IL1RAPL1: variants seen among roughly 807,000 people sequenced by gnomAD.
The protein encoded by IL1RAPL1 is interleukin-1 receptor accessory protein-like 1.
IL1RAPL1 carries 3 observed loss-of-function variants against 48.4 expected under a neutral mutation model. The observed-to-expected ratio is 0.06, with a 90% CI of 0.03 to 0.16. The LOEUF (loss-of-function observed/expected upper bound fraction) is 0.16, where lower values mean the gene tolerates loss of function less well. Ranked by LOEUF, IL1RAPL1 falls within the 10% of genes least tolerant of loss-of-function variation. The probability of loss-of-function intolerance (pLI) is 1.00; values close to 1 mark genes in which losing one functional copy is unlikely to be tolerated. For synonymous variants in IL1RAPL1, 185 were observed against 187.7 expected, an observed-to-expected ratio of 0.99 and a Z score of 0.12; for missense variants, 349 against 530.6, an observed-to-expected ratio of 0.66 and a Z score of 3.36.
chrX:28,682,391 C>A (rs376420187), intron 1 of IL1RAPL1, among the ~76,000 whole-genome samples: 1 of 111,074 alleles, frequency 9.0e-6, no homozygotes, highest in Admixed American at 9.6e-5. Flanking sequence ...TCACTGCAAC[C>A]TCCACCTCCC....
At chrX:28,676,084 G>A (rs1934993655) in intron 1 of IL1RAPL1, among the ~76,000 whole-genome samples, 1 of 111,708 alleles carries the variant, frequency 9.0e-6, no homozygotes, top group African/African-American at 3.3e-5. Flanking sequence ...GATTGTTAAT[G>A]AAAACGTTTG....
At chrX:29,526,550 A>T (rs1249402952) in intron 5 of IL1RAPL1, among the ~76,000 whole-genome samples, 1 of 112,133 alleles carries the variant, frequency 8.9e-6, no homozygotes. Context: ...CAATGAAATA[A>T]TTCAACAAGC....
intron 5 of IL1RAPL1, among the ~76,000 whole-genome samples, chrX:29,502,004 T>A (rs944977802): frequency 2.7e-5 from 3 of 111,091 alleles, no homozygotes; most frequent in African/African-American, 9.8e-5. Context: ...ATTTATTTCG[T>A]CAGGGTTTTA....
At chrX:29,723,899 C>G (rs1411164773) in intron 6 of IL1RAPL1, among the ~76,000 whole-genome samples, 1 of 111,089 alleles carries the variant, frequency 9.0e-6, no homozygotes, top group African/African-American at 3.3e-5. Context: ...ACTGCAACCT[C>G]CAGCTCCTGG....
intron 3 of IL1RAPL1, among the ~76,000 whole-genome samples, chrX:29,333,355 G>A (rs1337396383): frequency 2.8e-5 from 3 of 107,309 alleles, no homozygotes; most frequent in East Asian, 3.0e-4. Context: ...AGGGGCGGCC[G>A]GGCAGAGGCG....
chrX:28,684,121 C>T (rs1156454761), intron 1 of IL1RAPL1, among the ~76,000 whole-genome samples: 2 of 112,140 alleles, frequency 1.8e-5, no homozygotes, highest in Non-Finnish European at 3.8e-5. Context: ...TTATATACCC[C>T]CTCTTCTGAG....
chrX:28,917,745 G>A (rs976461440), intron 2 of IL1RAPL1, among the ~76,000 whole-genome samples: 1 of 112,159 alleles, frequency 8.9e-6, no homozygotes, highest in African/African-American at 3.2e-5. Flanking sequence ...GGCTTACTGT[G>A]TTTTTTAAAA....
At chrX:29,823,378 G>A (rs761189358) in intron 6 of IL1RAPL1, among the ~76,000 whole-genome samples, 140 of 112,007 alleles carry the variant, frequency 1.2e-3, no homozygotes, top group African/African-American at 4.4e-3. Flanking sequence ...TCTCAAGTGT[G>A]AAATAATCAG....
At chrX:28,836,220 G>A (rs1921202822) in intron 2 of IL1RAPL1, among the ~76,000 whole-genome samples, 1 of 108,985 alleles carries the variant, frequency 9.2e-6, no homozygotes, top group South Asian at 3.8e-4. Flanking sequence ...TCAACTGAAT[G>A]TAGCATTCAT....
At chrX:28,830,173 C>G (rs1320216327) in intron 2 of IL1RAPL1, among the ~76,000 whole-genome samples, 1 of 111,595 alleles carries the variant, frequency 9.0e-6, no homozygotes, top group Non-Finnish European at 1.9e-5. Context: ...GGAAGTTTAT[C>G]ATCATCTTTG....
At chrX:29,688,814 G>A (rs1432370410) in intron 6 of IL1RAPL1, among the ~76,000 whole-genome samples, 2 of 83,078 alleles carry the variant, frequency 2.4e-5, no homozygotes, top group Non-Finnish European at 4.8e-5. Flanking sequence ...GTGCTTTGTG[G>A]TCTTTTTTTT....
At chrX:29,768,053 A>G (rs980249075) in intron 6 of IL1RAPL1, among the ~76,000 whole-genome samples, 1 of 111,568 alleles carries the variant, frequency 9.0e-6, no homozygotes, top group African/African-American at 3.3e-5. Flanking sequence ...AAAAAATTAT[A>G]TTTTTCTACT....
At chrX:29,322,143 A>C (rs1023151375) in intron 3 of IL1RAPL1, among the ~76,000 whole-genome samples, 2 of 111,124 alleles carry the variant, frequency 1.8e-5, no homozygotes, top group African/African-American at 6.5e-5. Flanking sequence ...GTCTTTCACA[A>C]GGATACATAT....
intron 9 of IL1RAPL1, among the ~76,000 whole-genome samples, chrX:29,945,545 A>C (rs1174674328): frequency 1.8e-5 from 2 of 112,722 alleles, no homozygotes; most frequent in Non-Finnish European, 3.8e-5. Flanking sequence ...CTATAGCAAT[A>C]TGATAATAAT....
intron 2 of IL1RAPL1, among the ~76,000 whole-genome samples, chrX:28,964,282 A>G (rs1336996778): frequency 9.0e-6 from 1 of 111,710 alleles, no homozygotes; most frequent in Non-Finnish European, 1.9e-5. Flanking sequence ...ATCTACGCAT[A>G]TACAGACATA....
intron 5 of IL1RAPL1, among the ~76,000 whole-genome samples, chrX:29,608,216 G>A (rs958780376): frequency 9.0e-6 from 1 of 111,588 alleles, no homozygotes; most frequent in Non-Finnish European, 1.9e-5. Flanking sequence ...CTTTTTAATA[G>A]CATTACAGCT....
At chrX:29,435,913 A>G (rs111545198) in intron 5 of IL1RAPL1, among the ~76,000 whole-genome samples, 10 of 110,467 alleles carry the variant, frequency 9.1e-5, no homozygotes, top group African/African-American at 2.6e-4. Flanking sequence ...TATCTAAAGT[A>G]CTCTGAAATG....
chrX:29,306,395 G>C (rs1932618566), intron 3 of IL1RAPL1, among the ~76,000 whole-genome samples: 1 of 108,536 alleles, frequency 9.2e-6, no homozygotes, highest in Non-Finnish European at 1.9e-5. Context: ...TGGGCATGGT[G>C]GTGGGTGCCT....
At chrX:29,813,000 C>G (rs1405688106) in intron 6 of IL1RAPL1, among the ~76,000 whole-genome samples, 1 of 111,445 alleles carries the variant, frequency 9.0e-6, no homozygotes, top group African/African-American at 3.3e-5. Flanking sequence ...TTTCTCTAGA[C>G]TCCCCGTGCC....
Sources: allele counts gnomAD v4.1 joint callset (sites outside exome capture counted in the v4.1 genomes callset), GRCh38; gene constraint gnomAD v4.1.1; transcripts MANE v1.5; gene names NCBI Gene and HGNC (gene_info 2026-07-23, HGNC 2026-07-21).